Variants in XRCC6 observed in about 807,000 individuals in gnomAD.
XRCC6 encodes the protein DNA repair protein Ku70.
Under a neutral mutation model 65.7 loss-of-function variants are expected in XRCC6, and 5 were observed. That is an observed-to-expected ratio of 0.08 (90% CI 0.04 to 0.16). The LOEUF is 0.16. Among genes scored for constraint, XRCC6 ranks in the 10% least tolerant of loss-of-function variants. XRCC6 has a pLI of 1.00. For synonymous variants in XRCC6, 270 were observed against 270.6 expected (o/e 1.00, Z 0.02); for missense variants, 447 against 738.1 (o/e 0.61, Z 4.57).
At chr22:41,631,633 C>T (rs2067753023) in intron 3 of XRCC6, among the ~76,000 whole-genome samples, 1 of 130,078 alleles carries the variant, frequency 7.7e-6, no homozygotes, top group Non-Finnish European at 1.6e-5. Context: ...AGACGCTCCT[C>T]ACTTTCCAGA....
chr22:41,658,228 T>G (rs767776641), intron 10 of XRCC6, 24 bp from the exon 11 acceptor site: 3 of 1,609,292 alleles, frequency 1.9e-6, no homozygotes, highest in Admixed American at 1.7e-5. Flanking sequence ...ATGTTTCAGT[T>G]GAGTTACATT....
Position 41,663,926 on chromosome 22 carries a change from A to G in XRCC6, c.*111A>G, listed in dbSNP as rs1330208830. ...GAGCTAGGAAGAGTCTACCCGACAT[A>G]AGTCGAGGGACTTTATGTTTTTGAG... On this transcript the variant is annotated 3_prime_UTR_variant, in exon 13 of 13. Transcript: ENST00000360079. 2 of 1,173,764 alleles carry G rather than the reference A, an allele frequency of 1.7e-6. No homozygotes were observed. Among genetic ancestry groups the G allele is most frequent in the Admixed American group, 2.7e-5 (1 of 36,802 alleles). 72.7% of individuals were successfully genotyped at this position (1,173,764 alleles called of 1,614,324 possible).
intron 11 of XRCC6, among the ~76,000 whole-genome samples, chr22:41,660,413 G>C (rs2068088782): frequency 6.6e-6 from 1 of 152,000 alleles, no homozygotes; most frequent in Admixed American, 6.6e-5. Flanking sequence ...TATTCTATCA[G>C]TAAGTCCTGC....
rs377085941 is a variant in XRCC6, at chr22:41,659,278, C to T, written c.1522+926C>T. On this transcript the variant is annotated intron_variant, in intron 11 of 12. Coordinates refer to ENST00000360079, the MANE Select transcript of XRCC6 (RefSeq NM_001469.5). ...GAGAAACGTTTTGAGCTAAACAGCCCATCTCCTCCTTTCAGGCCTTAGGCA... is the reference window on the plus strand; with the variant it reads ...GAGAAACGTTTTGAGCTAAACAGCCTATCTCCTCCTTTCAGGCCTTAGGCA... Among the ~76,000 whole-genome samples, 9 of 152,226 alleles carry T rather than the reference C, an allele frequency of 5.9e-5. No individual in the cohort carries two copies. The East Asian group carries it at 7.7e-4, about 13-fold the overall frequency.
intron 1 of XRCC6, 200 bp from the exon 2 acceptor site, chr22:41,621,790 G>C (rs915666428): frequency 3.6e-6 from 2 of 561,262 alleles, no homozygotes; most frequent in African/African-American, 3.8e-5. Context: ...GTGAGGGATA[G>C]CTGAGATGAG....
intron 7 of XRCC6, chr22:41,648,015 C>G (rs898203794): frequency 1.6e-5 from 2 of 128,692 alleles, no homozygotes; most frequent in Non-Finnish European, 3.4e-5. Context: ...TTTCTCTCTC[C>G]GACTCCCTCC....
chr22:41,627,403 GAGT>G, intron 2 of XRCC6, among the ~76,000 whole-genome samples: 1 of 152,058 alleles, frequency 6.6e-6, no homozygotes, highest in Admixed American at 6.6e-5. Context: ...CTGAGGCCGG[GAGT>G]TCAAGACCAA....
intron 1 of XRCC6, 34 bp downstream of exon 1, chr22:41,621,379 C>T: frequency 6.0e-6 from 1 of 167,024 alleles, no homozygotes; most frequent in Non-Finnish European, 1.3e-5. Context: ...TGTTGTTCGC[C>T]AGCTAGGCCT....
intron 3 of XRCC6, among the ~76,000 whole-genome samples, chr22:41,631,580 C>A (rs377714080): frequency 4.1e-3 from 167 of 41,074 alleles, no homozygotes; most frequent in African/African-American, 0.017. Context: ...GGCGGCCGGG[C>A]AGAGACGCTC....
intron 2 of XRCC6, among the ~76,000 whole-genome samples, chr22:41,627,543 G>A (rs914118766): frequency 3.3e-5 from 5 of 150,938 alleles, no homozygotes; most frequent in South Asian, 2.1e-4. Flanking sequence ...CCTGGGAGAC[G>A]GAGGTCGTAG....
rs188238506 is a variant in XRCC6, at chr22:41,638,488, T to C, written c.773+697T>C. On this transcript the variant is annotated intron_variant, in intron 6 of 12. Coordinates refer to ENST00000360079, the MANE Select transcript of XRCC6 (RefSeq NM_001469.5). ...ATCTAAAGGTATAGAAAAGGTACAA[T>C]AAAAATATGATATAGGCCAGACACG... Among the ~76,000 whole-genome samples the C allele has an allele frequency of 5.0e-4, 76 of 151,948 alleles. 1 individual carries two copies. Among genetic ancestry groups the C allele is most frequent in the Middle Eastern group, 6.8e-3 (2 of 294 alleles).
intron 2 of XRCC6, among the ~76,000 whole-genome samples, chr22:41,626,699 G>A (rs1374767107): frequency 2.0e-5 from 3 of 149,970 alleles, no homozygotes; most frequent in African/African-American, 4.9e-5. Context: ...GTGCAGTGGC[G>A]TGATCTCGGC....
chr22:41,640,571 C>G (rs2067865297), intron 6 of XRCC6, among the ~76,000 whole-genome samples: 1 of 152,176 alleles, frequency 6.6e-6, no homozygotes. Flanking sequence ...GTATAGGGGT[C>G]CATGACCTTT....
intron 3 of XRCC6, among the ~76,000 whole-genome samples, chr22:41,630,995 G>A (rs1317469200): frequency 2.0e-5 from 3 of 152,152 alleles, no homozygotes; most frequent in Non-Finnish European, 4.4e-5. Context: ...CCCAGACGGG[G>A]TGGTGGCTGG....
chr22:41,622,138 C>G (rs751053053), intron 2 of XRCC6, 52 bp downstream of exon 2: 8 of 1,581,338 alleles, frequency 5.1e-6, no homozygotes, highest in Non-Finnish European at 6.9e-6. Context: ...AAAGACCTTC[C>G]CTGCCTATCT....
At chr22:41,642,240 A>G (rs1162814775) in intron 6 of XRCC6, among the ~76,000 whole-genome samples, 2 of 152,202 alleles carry the variant, frequency 1.3e-5, no homozygotes, top group Non-Finnish European at 2.9e-5. Flanking sequence ...TTGCTGGATC[A>G]TACAGTAGTT....
At chr22:41,641,525 T>A (rs1324875469) in intron 6 of XRCC6, among the ~76,000 whole-genome samples, 2 of 152,192 alleles carry the variant, frequency 1.3e-5, no homozygotes, top group Non-Finnish European at 2.9e-5. Context: ...ATAGTCACCC[T>A]GATCTGCTCT....
At chr22:41,644,147 CAAAAA>C (rs201779980) in intron 6 of XRCC6, among the ~76,000 whole-genome samples, 1 of 139,976 alleles carries the variant, frequency 7.1e-6, no homozygotes, top group Non-Finnish European at 1.6e-5. Flanking sequence ...ACCCTGTCTC[CAAAAA>C]AAAAAAGAAA....
At chr22:41,641,340 A>G (rs1371231820) in intron 6 of XRCC6, among the ~76,000 whole-genome samples, 2 of 152,158 alleles carry the variant, frequency 1.3e-5, no homozygotes, top group Non-Finnish European at 2.9e-5. Context: ...TTGTGGGTAC[A>G]TGGTAGGTGT....
Sources: allele counts gnomAD v4.1 joint callset (sites outside exome capture counted in the v4.1 genomes callset), GRCh38; gene constraint gnomAD v4.1.1; transcripts MANE v1.5; gene names NCBI Gene and HGNC (gene_info 2026-07-23, HGNC 2026-07-21).